The following SEPTIN5 variants were observed in gnomAD, a reference collection of about 807,000 sequenced individuals.
SEPTIN5 encodes the protein septin 5.
A neutral mutation model predicts 51.2 loss-of-function variants in SEPTIN5; 16 were observed. The ratio of observed to expected loss-of-function variants is 0.31; its 90% CI spans 0.21 to 0.47. SEPTIN5 has a LOEUF of 0.47. SEPTIN5 is among the 20% of genes least tolerant of loss of function. The pLI, the probability that SEPTIN5 is intolerant of heterozygous loss-of-function variation, is 0.99. For missense variants in SEPTIN5, 376 were observed against 500.3 expected, an observed-to-expected ratio of 0.75 and a Z score of 2.37; for synonymous variants, 208 against 191.2, an observed-to-expected ratio of 1.09 and a Z score of -0.72.
intron 2 of SEPTIN5, chr22:19,718,621 G>A: frequency 1.5e-6 from 2 of 1,291,154 alleles, no homozygotes; most frequent in Non-Finnish European, 9.8e-7. Flanking sequence ...CGCAAAACGG[G>A]GTGGACAACG....
intron 2 of SEPTIN5, chr22:19,718,704 C>A: frequency 7.9e-7 from 1 of 1,261,532 alleles, no homozygotes; most frequent in Non-Finnish European, 1.0e-6. Flanking sequence ...GCCTGGGGTC[C>A]GAGCGTGCCC....
At chr22:19,717,111 C>T (rs1301384548) in intron 2 of SEPTIN5, 1 of 340,108 alleles carries the variant, frequency 2.9e-6, no homozygotes, top group Non-Finnish European at 5.7e-6. Flanking sequence ...GGCCCCACAA[C>T]AGGACCAGGG....
intron 2 of SEPTIN5, chr22:19,717,558 C>T (rs924735428): frequency 6.1e-6 from 2 of 327,416 alleles, no homozygotes; most frequent in Non-Finnish European, 1.2e-5. Context: ...TGCAGGGCAG[C>T]GCATGGGTGG....
intron 10 of SEPTIN5, 135 bp downstream of exon 10, chr22:19,722,092 C>T (rs1238989510): frequency 1.6e-6 from 2 of 1,265,536 alleles, no homozygotes; most frequent in African/African-American, 1.5e-5. Flanking sequence ...CCCCCAGAGC[C>T]TGGTCTCCCT....
In SEPTIN5 at chr22:19,723,277, C is replaced by T; in HGVS notation, c.*793C>T. ...CTCCGTTTTCTTCCGTTGTGAATGCCGCGTCCTGTCCTGGTGACAGGAGAA... is the reference window on the plus strand; with the variant it reads ...CTCCGTTTTCTTCCGTTGTGAATGCTGCGTCCTGTCCTGGTGACAGGAGAA... On this transcript the variant is annotated 3_prime_UTR_variant, in exon 12 of 12. Coordinates refer to ENST00000455784, the MANE Select transcript of SEPTIN5 (RefSeq NM_002688.6). 4.3e-6 allele frequency: 3 copies of T among 691,602 alleles called. No individual in the cohort carries two copies. The highest frequency in any genetic ancestry group is 5.3e-6 in the Non-Finnish European group (2 of 378,178). The allele number at this position is 691,602 out of a possible 1,614,324, so 42.8% of individuals were successfully genotyped here. A position where few individuals can be genotyped will look rare whatever the true frequency, so the allele number is the denominator to read the frequency against.
chr22:19,720,739 C>G (rs1936013618), intron 7 of SEPTIN5, 29 bp from the exon 8 acceptor site: 3 of 1,612,482 alleles, frequency 1.9e-6, no homozygotes, highest in Admixed American at 1.7e-5. Flanking sequence ...TGTCTGGCCT[C>G]AAATCTGATG....
chr22:19,719,346 G>C, intron 2 of SEPTIN5: 1 of 442,198 alleles, frequency 2.3e-6, no homozygotes, highest in Non-Finnish European at 4.1e-6. Flanking sequence ...ATCTCCCCAC[G>C]GAATAAATAC....
Position 19,722,568 on chromosome 22 carries a change from CGGGG to C in SEPTIN5, c.*85_*88del. The stretch of plus-strand genomic sequence containing the variant: ...CCGGACTGTTCCCGACCCGGAGACG[CGGGG>C]CCACAGCCCCCAGCTGACCCTAATT... On this transcript the variant is annotated 3_prime_UTR_variant, in exon 12 of 12. Transcript: ENST00000455784. The C allele has an allele frequency of 1.4e-6, 2 of 1,405,906 alleles. No homozygotes were observed. Among genetic ancestry groups the C allele is most frequent in the Non-Finnish European group, 2.0e-6 (2 of 1,020,802 alleles). The allele number at this position is 1,405,906 out of a possible 1,614,324, so 87.1% of individuals were successfully genotyped here.
Position 19,721,671 on chromosome 22 carries a change from A to G in SEPTIN5, c.749A>G (p.Asn250Ser), listed in dbSNP as rs777538279. Residue 250 changes from asparagine to serine, a missense_variant, in exon 9 of 12, where the codon AAC (asparagine) becomes AGC (serine). Around this residue, in one of 2 missense-constraint regions of SEPTIN5, gnomAD observed 287 missense variants for 417.1 expected, o/e 0.69. Transcript: ENST00000455784. Reference protein sequence around the residue: ...ESAPFAVIGSNTVVEAKGQRV... With the variant: ...ESAPFAVIGSSTVVEAKGQRV... ...GCGCCCTTCGCCGTTATAGGCAGCA[A>G]CACGGTGGTGGAGGCCAAGGGGCAG... The G allele has an allele frequency of 2.9e-5, 47 of 1,612,592 alleles. No homozygotes were observed. The highest frequency in any genetic ancestry group is 1.2e-4 in the Admixed American group (7 of 59,974).
intron 2 of SEPTIN5, chr22:19,718,939 C>T: frequency 2.0e-6 from 2 of 1,015,232 alleles, no homozygotes; most frequent in Non-Finnish European, 2.5e-6. Flanking sequence ...CTTCCCTCCG[C>T]AGCGGCCTCG....
Position 19,720,600 on chromosome 22 carries a change from C to G in SEPTIN5, c.549C>G (p.Asn183Lys). ...GFMKALHEKV[N>K]IVPLIAKADC... ...TGAAGGCATTGCATGAGAAGGTCAA[C>G]ATCGTGCCTCTCATCGCCAAAGCTG... The change falls in exon 7 of 12, where the codon AAC becomes AAG. Residue 183 changes from asparagine (N) to lysine (K), a missense_variant. Physicochemically the swap from Asn to Lys is moderately conservative, Grantham distance 94 (BLOSUM62 0). Around this residue, in one of 2 missense-constraint regions of SEPTIN5, gnomAD observed 287 missense variants for 417.1 expected, o/e 0.69. Transcript: ENST00000455784. 6.2e-7 allele frequency: 1 copy of G among 1,612,980 alleles called. No homozygotes were observed. Among genetic ancestry groups the G allele is most frequent in the Non-Finnish European group, 8.5e-7 (1 of 1,180,018 alleles).
chr22:19,717,256 C>T (rs915873549), intron 2 of SEPTIN5: 22 of 469,240 alleles, frequency 4.7e-5, no homozygotes, highest in African/African-American at 4.2e-4. Context: ...ACCAGTCCTA[C>T]CCTGGAACCT....
In SEPTIN5 at chr22:19,714,732, G is replaced by T. The variant is rs763211701; in HGVS notation, c.44-49G>T. On this transcript the variant is annotated intron_variant, in intron 1 of 11. Transcript: ENST00000455784. The surrounding 1 kb of genome is among the most constrained non-coding windows in gnomAD (Gnocchi z 5.2). ...CGTCTCTCCCCCGCCCGCCGGCCCG[G>T]ACCCGCTCGGAACCGGACCCGGACT... is the stretch of plus-strand genomic sequence containing the variant. 1.8e-5 allele frequency: 29 copies of T among 1,571,808 alleles called. No homozygotes were observed. The highest frequency in any genetic ancestry group is 2.2e-5 in the Non-Finnish European group (26 of 1,166,566).
intron 6 of SEPTIN5, 42 bp from the exon 7 acceptor site, chr22:19,720,507 C>G (rs946946723): frequency 6.2e-7 from 1 of 1,613,406 alleles, no homozygotes. Flanking sequence ...ACAATATGGC[C>G]CCCTGGCTGT....
chr22:19,717,666 C>T (rs1935933681), intron 2 of SEPTIN5: 1 of 288,704 alleles, frequency 3.5e-6, no homozygotes, highest in African/African-American at 2.3e-5. Context: ...CCCTTCCCTT[C>T]TGTCCACCCT....
In SEPTIN5 at chr22:19,723,221, C is replaced by T. The variant is rs1568999640; in HGVS notation, c.*737C>T. On this transcript the variant is annotated 3_prime_UTR_variant, in exon 12 of 12. Transcript: ENST00000455784. ...CTGAGCCTAGGCCTCCCGATGTTCC[C>T]ACCCGCATGATCCCTTCCCGCCACA... 1.6e-6 allele frequency: 1 copy of T among 631,182 alleles called. No individual in the cohort carries two copies. Among genetic ancestry groups the T allele is most frequent in the Non-Finnish European group, 2.9e-6 (1 of 339,434 alleles). 39.1% of individuals were successfully genotyped at this position (631,182 alleles called of 1,614,324 possible). A position where few individuals can be genotyped will look rare whatever the true frequency, so the allele number is the denominator to read the frequency against.
intron 2 of SEPTIN5, chr22:19,718,531 G>T: frequency 7.8e-7 from 1 of 1,281,000 alleles, no homozygotes; most frequent in Non-Finnish European, 9.9e-7. Context: ...GCCCAGTCAG[G>T]GGGATGGCTC....
intron 2 of SEPTIN5, among the ~76,000 whole-genome samples, chr22:19,715,214 C>T (rs1279309877): frequency 2.0e-5 from 3 of 152,262 alleles, no homozygotes; most frequent in African/African-American, 7.2e-5. Flanking sequence ...GGCCTGTGGT[C>T]ACCACCCACC....
In SEPTIN5 at chr22:19,721,889, C is replaced by A; in HGVS notation, c.882C>A (p.Asp294Glu). ...RNMLIRTHMH[D>E]LKDVTCDVHY... is the part of the protein sequence containing the mutation. The stretch of plus-strand genomic sequence containing the variant: ...TGCTCATCCGCACGCATATGCACGA[C>A]CTCAAGGACGTGACGTGCGACGTGC... Residue 294 changes from aspartate (D) to glutamate (E), a missense_variant, in exon 10 of 12, where the codon GAC becomes GAA. Asp to Glu is a conservative substitution (Grantham distance 45, BLOSUM62 2). Coordinates refer to ENST00000455784, the MANE Select transcript of SEPTIN5 (RefSeq NM_002688.6). 1 of 1,612,312 alleles carries A rather than the reference C, an allele frequency of 6.2e-7. No individual in the cohort carries two copies. Among genetic ancestry groups the A allele is most frequent in the Non-Finnish European group, 8.5e-7 (1 of 1,179,598 alleles).
Sources: gnomAD v4.1 joint callset for allele counts (sites outside exome capture counted in the v4.1 genomes callset) on GRCh38, gnomAD v4.1.1 for gene constraint, gnomAD v4.1.1 regional missense constraint, Gnocchi (gnomAD v3.1) non-coding constraint, MANE v1.5 for transcripts, NCBI Gene and HGNC (gene_info 2026-07-23, HGNC 2026-07-21) for gene names.